The following DMXL1 variants were observed in gnomAD, a reference collection of about 807,000 sequenced individuals.
DMXL1 encodes dmX-like protein 1.
DMXL1 carries 99 observed loss-of-function variants against 319.2 expected under a neutral mutation model. The ratio of observed to expected loss-of-function variants is 0.31; its 90% CI spans 0.26 to 0.37. The LOEUF (loss-of-function observed/expected upper bound fraction) is 0.37, where lower values mean the gene tolerates loss of function less well. DMXL1 is among the 10% of genes least tolerant of loss of function. The pLI is 1.00. For synonymous variants in DMXL1, 1,385 were observed against 1,235.2 expected (o/e 1.12, Z -2.54); for missense variants, 3,745 against 3,595.6 (o/e 1.04, Z -1.06).
Position 119,198,278 on chromosome 5 carries a change from C to T in DMXL1, c.7745+322C>T, listed in dbSNP as rs187789217. Among the ~76,000 whole-genome samples, 297 of 152,262 alleles carry T rather than the reference C, an allele frequency of 2.0e-3. 6 individuals carry two copies. The highest frequency in any genetic ancestry group is 0.018 in the Admixed American group (282 of 15,290). On this transcript the variant is annotated intron_variant, in intron 32 of 43. Transcript: ENST00000539542. ...TGCTGGGATTACAGGCGTGAGCCAC[C>T]GCACCTGCCCTGAATACTGTTTTTA...
chr5:119,148,988 C>T lies in DMXL1; in HGVS notation c.3161C>T (p.Thr1054Ile), dbSNP rs199940154. The T allele has an allele frequency of 3.7e-6, 6 of 1,613,828 alleles. No individual in the cohort carries two copies. Among genetic ancestry groups the T allele is most frequent in the Non-Finnish European group, 3.4e-6 (4 of 1,179,892 alleles). Residue 1054 changes from threonine (T) to isoleucine (I), a missense_variant, in exon 18 of 44, where the codon ACA becomes ATA. This residue lies in a region of DMXL1 where 2,096 missense variants were observed against 1,985.4 expected (regional missense o/e 1.06). Coordinates refer to ENST00000539542, the MANE Select transcript of DMXL1 (RefSeq NM_001290321.3). ...CCTGTAGAAGTTAGCTGTGCACATA[C>T]AAATCGTTTAGCAGTAGCTTATAAG... ...GRPVEVSCAH[T>I]NRLAVAYKQP...
chr5:119,086,087 A>G (rs907543018), intron 1 of DMXL1, among the ~76,000 whole-genome samples: 1 of 152,238 alleles, frequency 6.6e-6, no homozygotes, highest in African/African-American at 2.4e-5. Context: ...AGAGTTCCAT[A>G]TGACTGGGGA....
chr5:119,148,882 C>T lies in DMXL1; in HGVS notation c.3055C>T (p.Leu1019Phe). ...CACGTCAAAGAATGGAAAAATTGAT[C>T]TTGCATACATTTGGGAAGAATGGCC... ...SATSKNGKID[L>F]AYIWEEWPLL... The change falls in exon 18 of 44, where the codon CTT (leucine) becomes TTT (phenylalanine). Residue 1019 changes from leucine to phenylalanine, a missense_variant. Coordinates refer to ENST00000539542, the MANE Select transcript of DMXL1 (RefSeq NM_001290321.3). The T allele has an allele frequency of 6.2e-7, 1 of 1,613,812 alleles. No homozygotes were observed. The highest frequency in any genetic ancestry group is 8.5e-7 in the Non-Finnish European group (1 of 1,179,824).
chr5:119,209,224 G>A (rs1782299916), intron 34 of DMXL1, among the ~76,000 whole-genome samples: 1 of 152,152 alleles, frequency 6.6e-6, no homozygotes, highest in Non-Finnish European at 1.5e-5. Context: ...AAATGCCTAG[G>A]AGTAGAAAGA....
intron 43 of DMXL1, among the ~76,000 whole-genome samples, chr5:119,245,278 C>T (rs1789529459): frequency 6.6e-6 from 1 of 151,966 alleles, no homozygotes; most frequent in African/African-American, 2.4e-5. Flanking sequence ...GGTCAGCAAC[C>T]CTAGACTAGG....
chr5:119,223,781 T>TA lies in DMXL1; in HGVS notation c.8278-921dup, dbSNP rs1308329809. 7.2e-5 allele frequency among the ~76,000 whole-genome samples: 11 copies of TA among 152,214 alleles called. No homozygotes were observed. The East Asian group carries it at 7.7e-4, about 11-fold the overall frequency. ...TTACGTATGGTTCTCCTGTGAATAT[T>TA]AAAAAAAGAAGACAAAAGCAAGAAT... is the stretch of plus-strand genomic sequence containing the variant. On this transcript the variant is annotated intron_variant, in intron 37 of 43. Transcript: ENST00000539542.
intron 39 of DMXL1, among the ~76,000 whole-genome samples, chr5:119,234,182 A>C (rs1323591505): frequency 2.0e-5 from 3 of 151,622 alleles, no homozygotes; most frequent in Non-Finnish European, 4.4e-5. Flanking sequence ...CCCCCTCCCC[A>C]CTTTTATGTT....
intron 28 of DMXL1, among the ~76,000 whole-genome samples, chr5:119,183,541 C>T (rs757228228): frequency 3.3e-5 from 5 of 152,210 alleles, no homozygotes; most frequent in East Asian, 1.9e-4. Flanking sequence ...GGCGTGATCT[C>T]GGCTCACTGC....
In DMXL1 at chr5:119,197,824, T is replaced by G; in HGVS notation, c.7613T>G (p.Leu2538Arg). 6.2e-7 allele frequency: 1 copy of G among 1,614,152 alleles called. No homozygotes were observed. ...CTTCAATGTTGGGAACAAGTTCTTC[T>G]CCGACGACTTGAAATCCATGGTGGG... ...KTLQCWEQVL[L>R]RRLEIHGGPP... Residue 2538 changes from leucine to arginine, a missense_variant, in exon 32 of 44, where the codon CTC (leucine) becomes CGC (arginine). Transcript: ENST00000539542.
In DMXL1 at chr5:119,149,523, C is replaced by T; in HGVS notation, c.3696C>T (p.Asp1232=). 1 of 1,613,908 alleles carries T rather than the reference C, an allele frequency of 6.2e-7. No homozygotes were observed. Among genetic ancestry groups the T allele is most frequent in the Non-Finnish European group, 8.5e-7 (1 of 1,179,888 alleles). ...ATGGCATCCTTGTGGTAGGAATGGACTGTGAAATGCATGTGTATTGCCAAT... is the reference window on the plus strand; with the variant it reads ...ATGGCATCCTTGTGGTAGGAATGGATTGTGAAATGCATGTGTATTGCCAAT... ...VRDGILVVGM[D]CEMHVYCQWQ... is the part of the protein sequence containing the mutation. Residue 1232 remains aspartate (D), a synonymous_variant, in exon 18 of 44, where the codon GAC becomes GAT. Transcript: ENST00000539542.
chr5:119,134,508 G>A (rs558033769), intron 13 of DMXL1, 119 bp downstream of exon 13: 1 of 898,402 alleles, frequency 1.1e-6, no homozygotes, highest in Admixed American at 2.8e-5. Context: ...TTGTATCTTT[G>A]TTTTATTTTT....
chr5:119,113,165 G>C (rs1456406945), intron 5 of DMXL1, among the ~76,000 whole-genome samples: 2 of 152,128 alleles, frequency 1.3e-5, no homozygotes, highest in Non-Finnish European at 2.9e-5. Context: ...AGCCAGTAAA[G>C]TAATAATGTA....
At chr5:119,109,048 G>A (rs745854750) in intron 4 of DMXL1, among the ~76,000 whole-genome samples, 3 of 150,494 alleles carry the variant, frequency 2.0e-5, no homozygotes, top group Non-Finnish European at 3.0e-5. Context: ...TGATCCACCC[G>A]CCTTGGCCTC....
At chr5:119,240,833 T>G (rs762463085) in intron 42 of DMXL1, among the ~76,000 whole-genome samples, 18 of 152,152 alleles carry the variant, frequency 1.2e-4, no homozygotes, top group Middle Eastern at 3.4e-3. Context: ...TAATAGGAAA[T>G]AAAATGTATA....
intron 9 of DMXL1, chr5:119,128,292 A>G (rs914636541): frequency 3.3e-5 from 10 of 300,678 alleles, no homozygotes; most frequent in Non-Finnish European, 6.5e-6. Flanking sequence ...CCACTGCCAT[A>G]AGTATGAATT....
At chr5:119,223,272 G>C (rs577184505) in intron 37 of DMXL1, among the ~76,000 whole-genome samples, 5 of 152,106 alleles carry the variant, frequency 3.3e-5, no homozygotes, top group East Asian at 1.9e-4. Context: ...GGCCAGGCTG[G>C]TCTTGAACTC....
At position 119,129,521 on chromosome 5, in the gene DMXL1, T is replaced by G. The variant is rs1174821439; in HGVS notation, c.1315+98T>G. The G allele has an allele frequency of 3.3e-5, 25 of 761,884 alleles. No homozygotes were observed. In the South Asian group the frequency reaches 4.2e-4, roughly 13 times the overall value. The allele number at this position is 761,884 out of a possible 1,614,324, so 47.2% of individuals were successfully genotyped here. The stretch of plus-strand genomic sequence containing the variant: ...TAGCTACTTGTAATAAACTTTAAAG[T>G]TGCAATGACATGATCCAAACATGGA... On this transcript the variant is annotated intron_variant, in intron 10 of 43. Transcript: ENST00000539542.
intron 42 of DMXL1, among the ~76,000 whole-genome samples, chr5:119,241,258 G>A (rs1016502876): frequency 2.6e-5 from 4 of 152,102 alleles, no homozygotes; most frequent in East Asian, 3.9e-4. Flanking sequence ...GAGGCCGGGC[G>A]CAGTGGCTCA....
intron 31 of DMXL1, among the ~76,000 whole-genome samples, chr5:119,197,345 T>C (rs541173326): frequency 1.2e-4 from 19 of 152,214 alleles, no homozygotes; most frequent in Non-Finnish European, 1.8e-4. Context: ...TCACAAAAAA[T>C]TTCATAATGT....
Sources: allele counts gnomAD v4.1 joint callset (sites outside exome capture counted in the v4.1 genomes callset), GRCh38; gene constraint gnomAD v4.1.1; regional missense constraint gnomAD v4.1.1; transcripts MANE v1.5; gene names NCBI Gene and HGNC (gene_info 2026-07-23, HGNC 2026-07-21).